NRP2: variants seen among roughly 807,000 people sequenced by gnomAD.
NRP2 encodes neuropilin 2.
Under a neutral mutation model 110.4 loss-of-function variants are expected in NRP2, and 52 were observed. The observed-to-expected ratio is 0.47, with a 90% CI of 0.38 to 0.59. The LOEUF (loss-of-function observed/expected upper bound fraction) is 0.59, where lower values mean the gene tolerates loss of function less well. Ranked by LOEUF, NRP2 falls within the 20% of genes least tolerant of loss-of-function variation. NRP2 has a pLI of 0.00. For synonymous variants in NRP2, 508 were observed against 468.9 expected (o/e 1.08, Z -1.08); for missense variants, 1,049 against 1,203.0 (o/e 0.87, Z 1.89).
At chr2:205,747,439 C>T (rs2057558220) in intron 10 of NRP2, among the ~76,000 whole-genome samples, 1 of 152,220 alleles carries the variant, frequency 6.6e-6, no homozygotes, top group Admixed American at 6.5e-5. Flanking sequence ...ATGTGAAATA[C>T]TTAGACTACT....
chr2:205,757,374 C>T (rs548391437), intron 12 of NRP2, among the ~76,000 whole-genome samples: 1 of 152,200 alleles, frequency 6.6e-6, no homozygotes, highest in East Asian at 1.9e-4. Flanking sequence ...TTGATGCAGA[C>T]TGAGCCATTG....
At position 205,722,180 on chromosome 2, in the gene NRP2, C is replaced by T. The variant is rs1416459079; in HGVS notation, c.434-298C>T. The T allele has an allele frequency of 2.7e-3, 1,081 of 394,196 alleles. 3 individuals carry two copies. The highest frequency in any genetic ancestry group is 3.4e-3 in the Non-Finnish European group (719 of 213,892). The allele number at this position is 394,196 out of a possible 1,614,324, so 24.4% of individuals were successfully genotyped here. ...TCTCTCTCTCTCTCTCATACACACA[C>T]ACACACACACACACACACACACACA... On this transcript the variant is annotated intron_variant, in intron 3 of 16. Coordinates refer to ENST00000357785, the MANE Select transcript of NRP2 (RefSeq NM_003872.3).
At chr2:205,696,174 A>G (rs180899415) in intron 1 of NRP2, among the ~76,000 whole-genome samples, 264 of 152,248 alleles carry the variant, frequency 1.7e-3, no homozygotes, top group African/African-American at 6.0e-3. Flanking sequence ...CCCATCTTTT[A>G]TGCATTTAAA....
chr2:205,712,833 A>G (rs1194277060), intron 2 of NRP2, among the ~76,000 whole-genome samples: 2 of 152,218 alleles, frequency 1.3e-5, no homozygotes, highest in African/African-American at 4.8e-5. Flanking sequence ...CTTCCCCTCA[A>G]GCAAACCTTA....
chr2:205,766,903 CA>C, intron 15 of NRP2, 100 bp downstream of exon 15: 1 of 1,088,788 alleles, frequency 9.2e-7, no homozygotes, highest in Non-Finnish European at 1.4e-6. Flanking sequence ...CCAAATTTGT[CA>C]AATCTCGCAA....
intron 1 of NRP2, among the ~76,000 whole-genome samples, chr2:205,694,426 T>TA (rs2056379541): frequency 6.6e-6 from 1 of 152,198 alleles, no homozygotes; most frequent in Non-Finnish European, 1.5e-5. Context: ...GAAAATGCTC[T>TA]AACAGTCCAA....
At chr2:205,788,228 G>A (rs1022888167) in intron 15 of NRP2, among the ~76,000 whole-genome samples, 7 of 152,202 alleles carry the variant, frequency 4.6e-5, no homozygotes, top group African/African-American at 1.7e-4. Context: ...TTTTTGGCCT[G>A]AGACTGATCT....
chr2:205,766,676 C>T, intron 14 of NRP2, 107 bp from the exon 15 acceptor site: 2 of 1,041,138 alleles, frequency 1.9e-6, no homozygotes, highest in Non-Finnish European at 1.5e-6. Flanking sequence ...TACAAAAAAA[C>T]CGAGTGCAGT....
Position 205,797,980 on chromosome 2 carries a change from G to A in NRP2, c.*2922G>A, listed in dbSNP as rs796501739. ...TCAGGGTTTGCAGTTAGAGGTATTC[G>A]ACCATTCACTGGCTGAGCCAGATCA... On this transcript the variant is annotated 3_prime_UTR_variant, in exon 17 of 17. Coordinates refer to ENST00000357785, the MANE Select transcript of NRP2 (RefSeq NM_003872.3). 4 of 152,674 alleles carry A rather than the reference G, an allele frequency of 2.6e-5. No individual in the cohort carries two copies. The highest frequency in any genetic ancestry group is 6.8e-3 in the Middle Eastern group (2 of 294). 9.5% of individuals were successfully genotyped at this position (152,674 alleles called of 1,614,324 possible). A position where few individuals can be genotyped will look rare whatever the true frequency, so the allele number is the denominator to read the frequency against.
chr2:205,762,337 G>C (rs912552487), intron 12 of NRP2: 1 of 152,294 alleles, frequency 6.6e-6, no homozygotes, highest in Non-Finnish European at 1.5e-5. Context: ...AAGAAGGAAA[G>C]AGCTGTTTCT....
rs1275737785 is a variant in NRP2 at position 205,697,638 on chromosome 2, G to A, written c.168G>A (p.Glu56=). 1.2e-6 allele frequency: 2 copies of A among 1,613,904 alleles called. No individual in the cohort carries two copies. Among genetic ancestry groups the A allele is most frequent in the Admixed American group, 1.7e-5 (1 of 59,996 alleles). The change falls in exon 2 of 17, where the codon GAG becomes GAA. Residue 56 remains glutamate (E), a synonymous_variant. Transcript: ENST00000357785. ...PQDYPSHQNC[E]WIVYAPEPNQ... is the part of the protein sequence containing the mutation. Reference sequence around the variant, plus strand: ...ACTACCCCTCCCACCAGAACTGCGAGTGGATTGTTTACGCCCCCGAACCCA... The same window carrying A: ...ACTACCCCTCCCACCAGAACTGCGAATGGATTGTTTACGCCCCCGAACCCA...
chr2:205,788,424 A>G (rs1981756), intron 15 of NRP2, among the ~76,000 whole-genome samples: 151,934 of 152,310 alleles, frequency 1, 75,780 homozygotes, highest in Middle Eastern at 1. Context: ...GAGATCGGGA[A>G]GGCAGAGGTC....
intron 15 of NRP2, chr2:205,767,139 C>A (rs57868735): frequency 4.0e-4 from 147 of 372,036 alleles, no homozygotes; most frequent in African/African-American, 2.9e-3. Context: ...TGTGGGAAGA[C>A]TGAACCAAAA....
At chr2:205,781,145 GT>G (rs2058169514) in intron 15 of NRP2, among the ~76,000 whole-genome samples, 1 of 152,190 alleles carries the variant, frequency 6.6e-6, no homozygotes, top group Admixed American at 6.5e-5. Flanking sequence ...TGGCATTACT[GT>G]TTTTGGAACC....
chr2:205,734,262 C>T (rs2057299389), intron 7 of NRP2, among the ~76,000 whole-genome samples: 2 of 151,950 alleles, frequency 1.3e-5, no homozygotes, highest in Admixed American at 1.3e-4. Context: ...TGGCTAAGTT[C>T]CCACATCCAC....
At chr2:205,767,145 C>CAAA (rs60081325) in intron 15 of NRP2, 111 of 261,316 alleles carry the variant, frequency 4.2e-4, no homozygotes, top group African/African-American at 1.4e-3. Context: ...AAGACTGAAC[C>CAAA]AAAAAAAAAA....
chr2:205,722,817 T>C (rs889790742), intron 4 of NRP2, 109 bp downstream of exon 4: 19 of 862,924 alleles, frequency 2.2e-5, no homozygotes, highest in Non-Finnish European at 3.4e-5. Flanking sequence ...TGAGTTCTTA[T>C]ATGACCCATG....
At chr2:205,730,584 C>T (rs1433616926) in intron 7 of NRP2, among the ~76,000 whole-genome samples, 1 of 152,062 alleles carries the variant, frequency 6.6e-6, no homozygotes, top group Non-Finnish European at 1.5e-5. Flanking sequence ...CTGCTCAGAG[C>T]AGAGGGAAGG....
chr2:205,735,234 GA>G (rs56327820), intron 7 of NRP2, among the ~76,000 whole-genome samples: 43,619 of 151,856 alleles, frequency 0.29, 6,711 homozygotes, highest in Middle Eastern at 0.34. Flanking sequence ...AGGCTGGGCA[GA>G]AAAATTCCTC....
Sources: gnomAD v4.1 joint callset for allele counts (sites outside exome capture counted in the v4.1 genomes callset) on GRCh38, gnomAD v4.1.1 for gene constraint, MANE v1.5 for transcripts, NCBI Gene and HGNC (gene_info 2026-07-23, HGNC 2026-07-21) for gene names.